SNX6: variants seen among roughly 807,000 people sequenced by gnomAD.
SNX6 encodes the protein sorting nexin 6.
In SNX6, 34 loss-of-function variants were observed where a neutral mutation model predicts 63.0. That is an observed-to-expected ratio of 0.54 (90% confidence interval 0.41 to 0.72). The LOEUF (loss-of-function observed/expected upper bound fraction) is 0.72. Ranked by LOEUF, SNX6 falls within the 30% of genes least tolerant of loss-of-function variation. SNX6 has a pLI of 0.00. For synonymous variants in SNX6, 170 were observed against 164.2 expected (o/e 1.04, Z -0.27); for missense variants, 398 against 471.4 (o/e 0.84, Z 1.44).
intron 7 of SNX6, 42 bp from the exon 8 acceptor site, chr14:34,593,192 G>T: frequency 7.8e-7 from 1 of 1,275,854 alleles, no homozygotes; most frequent in Non-Finnish European, 1.1e-6. Context: ...TCACTTATTT[G>T]CTTTAGTTTT....
chr14:34,575,293 C>T (rs966277182), intron 11 of SNX6, among the ~76,000 whole-genome samples: 2 of 150,040 alleles, frequency 1.3e-5, no homozygotes, highest in Non-Finnish European at 3.0e-5. Flanking sequence ...CTCTGCCTCC[C>T]GGGTTCAAGT....
At chr14:34,567,804 CA>C in intron 12 of SNX6, 33 bp from the exon 13 acceptor site, 1 of 1,611,376 alleles carries the variant, frequency 6.2e-7, no homozygotes. Context: ...ATTTAATTTA[CA>C]TAATAGTCAT....
chr14:34,607,106 T>C (rs566937457), intron 4 of SNX6, among the ~76,000 whole-genome samples: 1 of 152,174 alleles, frequency 6.6e-6, no homozygotes, highest in South Asian at 2.1e-4. Flanking sequence ...CCAGTATGGT[T>C]TGTCACATCT....
Position 34,627,372 on chromosome 14 carries a change from G to A in SNX6, c.54+2535C>T, listed in dbSNP as rs571984564. 5.9e-5 allele frequency among the ~76,000 whole-genome samples: 9 copies of A among 152,292 alleles called. 1 individual carries two copies. The South Asian group carries it at 1.0e-3, about 18-fold the overall frequency. On this transcript the variant is annotated intron_variant, in intron 2 of 13. Transcript: ENST00000362031. Reference sequence around the variant, plus strand: ...TGAGGCAGGACAATGGCGTGAATCCGGGAGGCGGAGCTTGCAGTGAGCCAA... The same window carrying A: ...TGAGGCAGGACAATGGCGTGAATCCAGGAGGCGGAGCTTGCAGTGAGCCAA...
At chr14:34,580,093 C>T (rs762530570) in intron 10 of SNX6, among the ~76,000 whole-genome samples, 7 of 152,066 alleles carry the variant, frequency 4.6e-5, no homozygotes, top group African/African-American at 1.2e-4. Flanking sequence ...GCAAGAGAAT[C>T]GCTTGAACCT....
At chr14:34,596,283 T>C (rs1383419706) in intron 7 of SNX6, among the ~76,000 whole-genome samples, 1 of 151,734 alleles carries the variant, frequency 6.6e-6, no homozygotes, top group Non-Finnish European at 1.5e-5. Context: ...TCAATCTTTT[T>C]AATAAGTAAG....
intron 9 of SNX6, among the ~76,000 whole-genome samples, chr14:34,585,022 T>C (rs1354194760): frequency 6.6e-6 from 1 of 151,964 alleles, no homozygotes; most frequent in Non-Finnish European, 1.5e-5. Flanking sequence ...TTGGCTAATT[T>C]TGTATTTTTA....
chr14:34,629,333 G>A (rs1466186205), intron 2 of SNX6: 6 of 354,488 alleles, frequency 1.7e-5, no homozygotes, highest in Middle Eastern at 8.3e-4. Flanking sequence ...GACAGGATTT[G>A]TTGGATATTA....
At chr14:34,612,622 T>C (rs1883274943) in intron 2 of SNX6, among the ~76,000 whole-genome samples, 1 of 151,864 alleles carries the variant, frequency 6.6e-6, no homozygotes, top group South Asian at 2.1e-4. Context: ...TTAGTAGAGA[T>C]GGGCTTTTGC....
intron 2 of SNX6, among the ~76,000 whole-genome samples, chr14:34,616,017 G>A (rs950723847): frequency 2.0e-5 from 3 of 152,108 alleles, no homozygotes; most frequent in African/African-American, 4.8e-5. Context: ...GTGCAGTGGC[G>A]TGATCTTGGC....
chr14:34,572,541 G>A (rs1301509792), intron 11 of SNX6, among the ~76,000 whole-genome samples: 1 of 152,106 alleles, frequency 6.6e-6, no homozygotes, highest in East Asian at 1.9e-4. Context: ...AAGGGTTATA[G>A]ATAATTTAAT....
chr14:34,592,743 T>C (rs1024287807), intron 8 of SNX6, among the ~76,000 whole-genome samples: 1 of 152,122 alleles, frequency 6.6e-6, no homozygotes, highest in African/African-American at 2.4e-5. Context: ...TTATTTTTTA[T>C]ATCAGGCTGG....
At chr14:34,629,653 G>A (rs1040917504) in intron 2 of SNX6, 3 of 682,032 alleles carry the variant, frequency 4.4e-6, no homozygotes, top group African/African-American at 3.6e-5. Flanking sequence ...GCGTGGGAGT[G>A]GAGGTCCACC....
chr14:34,567,384 G>C (rs1277171480), intron 13 of SNX6, among the ~76,000 whole-genome samples: 1 of 152,132 alleles, frequency 6.6e-6, no homozygotes, highest in African/African-American at 2.4e-5. Flanking sequence ...CTACTAAGGA[G>C]GCTGAGGCGT....
At chr14:34,568,641 T>G in intron 11 of SNX6, 1 of 767,400 alleles carries the variant, frequency 1.3e-6, no homozygotes, top group African/African-American at 1.8e-5. Context: ...CCTGTTTTTT[T>G]TTTTTTTTTA....
intron 2 of SNX6, among the ~76,000 whole-genome samples, chr14:34,614,436 C>CA (rs146083735): frequency 0.031 from 3,992 of 129,834 alleles, 58 homozygotes; most frequent in Middle Eastern, 0.073. Flanking sequence ...GACCCTGTCT[C>CA]AAAAAAAAAA....
At chr14:34,571,213 C>T (rs1351415965) in intron 11 of SNX6, among the ~76,000 whole-genome samples, 8 of 151,340 alleles carry the variant, frequency 5.3e-5, no homozygotes, top group Non-Finnish European at 1.2e-4. Context: ...GCAGGTGGAT[C>T]ACGAGGTCAG....
chr14:34,627,793 A>C (rs532314328), intron 2 of SNX6, among the ~76,000 whole-genome samples: 1 of 151,450 alleles, frequency 6.6e-6, no homozygotes, highest in East Asian at 2.0e-4. Context: ...CCTGGTCTTA[A>C]AATTTTTAGG....
In SNX6 at chr14:34,605,670, T is replaced by C. The variant is rs372249264; in HGVS notation, c.318A>G (p.Lys106=). 2.4e-5 allele frequency: 38 copies of C among 1,611,416 alleles called. No homozygotes were observed. The highest frequency in any genetic ancestry group is 3.2e-5 in the Non-Finnish European group (38 of 1,179,100). The change falls in exon 5 of 14, where the codon AAA becomes AAG. Residue 106 remains lysine (K), a synonymous_variant. Coordinates refer to ENST00000362031, the MANE Select transcript of SNX6 (RefSeq NM_152233.4). ...CTTCTCCTTCACCAAGCTTCTGTAG[T>C]TTTTCCCTTGAAGCATCAAAATCAG... ...PRPDFDASRE[K]LQKLGEGEGS... is the part of the protein sequence containing the mutation.
Sources: gnomAD v4.1 joint callset for allele counts (sites outside exome capture counted in the v4.1 genomes callset) on GRCh38, gnomAD v4.1.1 for gene constraint, MANE v1.5 for transcripts, NCBI Gene and HGNC (gene_info 2026-07-23, HGNC 2026-07-21) for gene names.